ICA1: variants seen among roughly 807,000 people sequenced by gnomAD.
The protein encoded by ICA1 is 69 kDa islet cell autoantigen.
Under a neutral mutation model 71.0 loss-of-function variants are expected in ICA1, and 40 were observed. That is an observed-to-expected ratio of 0.56 (90% CI 0.44 to 0.73). The LOEUF is 0.73. Among genes scored for constraint, ICA1 ranks in the 30% least tolerant of loss-of-function variants. ICA1 has a pLI of 0.00. For missense variants in ICA1, 578 were observed against 576.5 expected (o/e 1.00, Z -0.03); for synonymous variants, 207 against 209.5 (o/e 0.99, Z 0.10).
intron 1 of ICA1, among the ~76,000 whole-genome samples, chr7:8,253,070 T>C (rs1392248760): frequency 6.6e-6 from 1 of 152,182 alleles, no homozygotes; most frequent in African/African-American, 2.4e-5. Flanking sequence ...TGTTTTAAAT[T>C]ATATATGTGG....
intron 6 of ICA1, among the ~76,000 whole-genome samples, chr7:8,216,233 G>C (rs1377623875): frequency 1.3e-5 from 2 of 152,202 alleles, no homozygotes; most frequent in East Asian, 3.8e-4. Flanking sequence ...TTGGGGTCAA[G>C]TGCTGGACTG....
chr7:8,129,940 T>G (rs1028728429), intron 12 of ICA1, among the ~76,000 whole-genome samples: 8 of 126,186 alleles, frequency 6.3e-5, no homozygotes, highest in Admixed American at 2.5e-4. Flanking sequence ...ACCTACGAGA[T>G]AGAATATGCG....
intron 13 of ICA1, among the ~76,000 whole-genome samples, chr7:8,120,308 G>A (rs536007997): frequency 3.9e-5 from 6 of 152,230 alleles, no homozygotes; most frequent in African/African-American, 7.2e-5. Context: ...CTATGACACC[G>A]ACTATTTATG....
chr7:8,200,860 T>C (rs1203877985), intron 6 of ICA1, among the ~76,000 whole-genome samples: 5 of 152,226 alleles, frequency 3.3e-5, no homozygotes, highest in Non-Finnish European at 7.3e-5. Flanking sequence ...TCACTGTCTA[T>C]TTCTCAGAAA....
chr7:8,166,701 G>A (rs1168432065), intron 6 of ICA1, among the ~76,000 whole-genome samples: 1 of 152,044 alleles, frequency 6.6e-6, no homozygotes, highest in Non-Finnish European at 1.5e-5. Flanking sequence ...AGAGAAAAAA[G>A]ACAACTTACA....
chr7:8,118,366 G>A (rs1032572873), intron 13 of ICA1, among the ~76,000 whole-genome samples: 1 of 152,222 alleles, frequency 6.6e-6, no homozygotes, highest in Non-Finnish European at 1.5e-5. Context: ...AAAGTACTAG[G>A]CTTGGAGGGA....
At position 8,223,806 on chromosome 7, in the gene ICA1, G is replaced by T. The variant is rs186386181; in HGVS notation, c.257-2408C>A. Among the ~76,000 whole-genome samples the T allele has an allele frequency of 7.9e-5, 12 of 152,206 alleles. No homozygotes were observed. The highest frequency in any genetic ancestry group is 2.9e-4 in the African/African-American group (12 of 41,530). Reference sequence around the variant, plus strand: ...AAAACAAAAAAAGATAACTCAAAATGTTCTATTAATAAGGTTTCAATTATC... The same window carrying T: ...AAAACAAAAAAAGATAACTCAAAATTTTCTATTAATAAGGTTTCAATTATC... On this transcript the variant is annotated intron_variant, in intron 4 of 13. Transcript: ENST00000402384. The surrounding 1 kb of genome is among the most constrained non-coding windows in gnomAD (Gnocchi z 4.1).
intron 6 of ICA1, among the ~76,000 whole-genome samples, chr7:8,186,021 G>A (rs61350071): frequency 0.049 from 7,530 of 152,286 alleles, 281 homozygotes; most frequent in African/African-American, 0.093. Flanking sequence ...TACACATTAG[G>A]AAGTGTTAGG....
intron 6 of ICA1, among the ~76,000 whole-genome samples, chr7:8,201,635 A>G (rs1361079151): frequency 6.6e-6 from 1 of 152,184 alleles, no homozygotes; most frequent in East Asian, 1.9e-4. Flanking sequence ...GTTGATGAAA[A>G]AGGGCCGAGT....
At chr7:8,217,764 G>C (rs1223192574) in intron 6 of ICA1, among the ~76,000 whole-genome samples, 1 of 152,140 alleles carries the variant, frequency 6.6e-6, no homozygotes, top group African/African-American at 2.4e-5. Flanking sequence ...AAATCTTTCA[G>C]TGCATATCCA....
At position 8,144,439 on chromosome 7, in the gene ICA1, C is replaced by T. The variant is rs559982268; in HGVS notation, c.805-467G>A. 1.4e-4 allele frequency among the ~76,000 whole-genome samples: 22 copies of T among 152,274 alleles called. No homozygotes were observed. Among genetic ancestry groups the T allele is most frequent in the African/African-American group, 5.1e-4 (21 of 41,552 alleles). ...TTGTTTGCTATTTTGCAATCTAAAA[C>T]CCAGTTTTAAAAAATAACAGAAAAC... is the stretch of plus-strand genomic sequence containing the variant. On this transcript the variant is annotated intron_variant, in intron 8 of 13. Transcript: ENST00000402384. The surrounding 1 kb of genome is among the most constrained non-coding windows in gnomAD (Gnocchi z 4.5).
At chr7:8,224,741 A>G (rs1292787484) in intron 4 of ICA1, among the ~76,000 whole-genome samples, 1 of 152,208 alleles carries the variant, frequency 6.6e-6, no homozygotes, top group Non-Finnish European at 1.5e-5. Flanking sequence ...ACCTGGCACC[A>G]AAACATTGAG....
At chr7:8,203,998 A>G (rs904946118) in intron 6 of ICA1, among the ~76,000 whole-genome samples, 1 of 152,168 alleles carries the variant, frequency 6.6e-6, no homozygotes, top group African/African-American at 2.4e-5. Context: ...AATAAGGTAG[A>G]ACAGAAATGT....
In ICA1 at chr7:8,114,296, A is replaced by G. The variant is rs559480405; in HGVS notation, c.1331-252T>C. ...TTAACAAACTCCCACCTGCACCCCA[A>G]CCCCACTAATGGCCATAGCCCATGA... On this transcript the variant is annotated intron_variant, in intron 13 of 13. Transcript: ENST00000402384. Among the ~76,000 whole-genome samples the G allele has an allele frequency of 3.9e-5, 6 of 151,944 alleles. No homozygotes were observed. The East Asian group carries it at 1.2e-3, about 29-fold the overall frequency.
chr7:8,192,866 T>C (rs911755675), intron 6 of ICA1, among the ~76,000 whole-genome samples: 1 of 152,268 alleles, frequency 6.6e-6, no homozygotes, highest in Non-Finnish European at 1.5e-5. Flanking sequence ...ATTTGGCGAA[T>C]GGGAGCCTCT....
intron 1 of ICA1, among the ~76,000 whole-genome samples, chr7:8,247,479 A>T (rs2077606439): frequency 7.2e-6 from 1 of 139,536 alleles, no homozygotes. Context: ...AAGAAAAAAG[A>T]AAAAAAACAA....
chr7:8,252,281 G>T (rs754810951), intron 1 of ICA1, among the ~76,000 whole-genome samples: 2 of 152,158 alleles, frequency 1.3e-5, no homozygotes, highest in Non-Finnish European at 1.5e-5. Context: ...TCAGATAAAA[G>T]TCTCGATCAA....
intron 1 of ICA1, among the ~76,000 whole-genome samples, chr7:8,258,933 G>A (rs540888688): frequency 1.0e-3 from 159 of 152,280 alleles, no homozygotes; most frequent in Admixed American, 3.1e-3. Flanking sequence ...CTCAAAGGGG[G>A]TTGAGTATCA....
At chr7:8,261,437 G>T (rs1310310278) in intron 1 of ICA1, among the ~76,000 whole-genome samples, 1 of 152,172 alleles carries the variant, frequency 6.6e-6, no homozygotes, top group African/African-American at 2.4e-5. Context: ...GCGCCCAAAG[G>T]AAACGGGCGC....
Sources: gnomAD v4.1 joint callset for allele counts (sites outside exome capture counted in the v4.1 genomes callset) on GRCh38, gnomAD v4.1.1 for gene constraint, Gnocchi (gnomAD v3.1) non-coding constraint, MANE v1.5 for transcripts, NCBI Gene and HGNC (gene_info 2026-07-23, HGNC 2026-07-21) for gene names.